DIAPH3: variants seen among roughly 807,000 people sequenced by gnomAD.
DIAPH3 encodes protein diaphanous homolog 3.
A neutral mutation model predicts 144.3 loss-of-function variants in DIAPH3; 117 were observed. The ratio of observed to expected loss-of-function variants is 0.81; its 90% CI spans 0.70 to 0.95. DIAPH3 has a LOEUF of 0.95. DIAPH3 is among the 40% of genes least tolerant of loss of function. DIAPH3 has a pLI of 0.00. For missense variants in DIAPH3, 1,421 were observed against 1,412.7 expected, an observed-to-expected ratio of 1.01 and a Z score of -0.09; for synonymous variants, 519 against 488.9, an observed-to-expected ratio of 1.06 and a Z score of -0.81.
intron 22 of DIAPH3, 163 bp downstream of exon 22, chr13:59,861,244 T>C (rs1593720316): frequency 2.0e-6 from 3 of 1,518,918 alleles, no homozygotes; most frequent in South Asian, 1.3e-5. Context: ...GCTCCAATCA[T>C]GACAACTCAT....
At chr13:59,978,580 AAAGT>A (rs1014909973) in intron 14 of DIAPH3, among the ~76,000 whole-genome samples, 14 of 151,856 alleles carry the variant, frequency 9.2e-5, no homozygotes, top group African/African-American at 3.4e-4. Context: ...TGCTAATACT[AAAGT>A]AACTGTATTA....
chr13:59,960,056 G>A (rs1363878641), intron 17 of DIAPH3, among the ~76,000 whole-genome samples: 1 of 152,100 alleles, frequency 6.6e-6, no homozygotes, highest in Non-Finnish European at 1.5e-5. Context: ...TGATTCACAA[G>A]ACAAGACTGA....
intron 4 of DIAPH3, among the ~76,000 whole-genome samples, chr13:60,080,405 T>C (rs916002404): frequency 2.6e-5 from 4 of 152,044 alleles, no homozygotes; most frequent in Admixed American, 2.0e-4. Context: ...AAAATGAACA[T>C]ACTGTACACT....
chr13:59,782,733 T>C (rs931429373), intron 25 of DIAPH3, among the ~76,000 whole-genome samples: 12 of 152,202 alleles, frequency 7.9e-5, no homozygotes, highest in African/African-American at 2.9e-4. Flanking sequence ...TACAGGGTGG[T>C]GGGCATGTAG....
intron 21 of DIAPH3, among the ~76,000 whole-genome samples, chr13:59,861,943 C>G (rs972203200): frequency 6.6e-6 from 1 of 152,178 alleles, no homozygotes; most frequent in Admixed American, 6.6e-5. Context: ...AAAACATAGA[C>G]TTTCCTCAAG....
chr13:59,837,654 G>T (rs935169409), intron 23 of DIAPH3: 2 of 151,488 alleles, frequency 1.3e-5, no homozygotes, highest in African/African-American at 4.9e-5. Flanking sequence ...TAAGAAAAAA[G>T]CTAAGAATGA....
At chr13:60,057,312 A>C (rs1398855107) in intron 4 of DIAPH3, among the ~76,000 whole-genome samples, 1 of 151,964 alleles carries the variant, frequency 6.6e-6, no homozygotes, top group Non-Finnish European at 1.5e-5. Context: ...GCTACAAAAA[A>C]ATAAAATACC....
intron 27 of DIAPH3, among the ~76,000 whole-genome samples, chr13:59,728,303 T>C (rs1044416176): frequency 1.3e-5 from 2 of 152,064 alleles, no homozygotes; most frequent in Admixed American, 6.6e-5. Flanking sequence ...AAAACTTCTA[T>C]AGATAATTTT....
chr13:60,093,542 A>C, intron 4 of DIAPH3, 86 bp downstream of exon 4: 1 of 881,484 alleles, frequency 1.1e-6, no homozygotes, highest in Non-Finnish European at 1.9e-6. Flanking sequence ...GTTGCCCACA[A>C]ACTTAAGTAC....
chr13:60,152,691 A>G (rs1951845132), intron 1 of DIAPH3, among the ~76,000 whole-genome samples: 1 of 152,080 alleles, frequency 6.6e-6, no homozygotes, highest in African/African-American at 2.4e-5. Context: ...GTGAGTATAC[A>G]GTGTTTTACA....
At chr13:60,158,123 C>T (rs886499926) in intron 1 of DIAPH3, among the ~76,000 whole-genome samples, 2 of 152,140 alleles carry the variant, frequency 1.3e-5, no homozygotes, top group Non-Finnish European at 1.5e-5. Flanking sequence ...AGTGCTAGTC[C>T]CTTCTTCCAA....
chr13:59,801,708 T>C (rs2039910499), intron 25 of DIAPH3, among the ~76,000 whole-genome samples: 4 of 152,230 alleles, frequency 2.6e-5, no homozygotes. Flanking sequence ...GCTGCCCTCA[T>C]TGTTAACTCT....
At chr13:59,782,703 C>T (rs888717077) in intron 25 of DIAPH3, among the ~76,000 whole-genome samples, 8 of 152,026 alleles carry the variant, frequency 5.3e-5, no homozygotes, top group Non-Finnish European at 8.8e-5. Flanking sequence ...AATATTATGA[C>T]AGAGATATTC....
intron 24 of DIAPH3, among the ~76,000 whole-genome samples, chr13:59,812,941 G>A (rs1019232489): frequency 1.3e-5 from 2 of 152,056 alleles, no homozygotes; most frequent in African/African-American, 4.8e-5. Flanking sequence ...GAAGATAGAG[G>A]TAGTATCTCC....
intron 20 of DIAPH3, among the ~76,000 whole-genome samples, chr13:59,902,707 C>T (rs1384108268): frequency 6.6e-6 from 1 of 152,072 alleles, no homozygotes; most frequent in Non-Finnish European, 1.5e-5. Context: ...ACTGGGGAGG[C>T]ACATGGTGCA....
chr13:59,875,178 C>T (rs2044537653), intron 21 of DIAPH3, among the ~76,000 whole-genome samples: 1 of 152,134 alleles, frequency 6.6e-6, no homozygotes, highest in African/African-American at 2.4e-5. Context: ...GATTTAATTT[C>T]TAAAGATATG....
At chr13:59,871,255 T>C (rs1265662901) in intron 21 of DIAPH3, among the ~76,000 whole-genome samples, 1 of 151,958 alleles carries the variant, frequency 6.6e-6, no homozygotes, top group Non-Finnish European at 1.5e-5. Context: ...AGAAAGAGTT[T>C]TGTTTATTCT....
At chr13:60,114,668 CACACAA>C (rs1221563172) in intron 2 of DIAPH3, among the ~76,000 whole-genome samples, 1 of 151,510 alleles carries the variant, frequency 6.6e-6, no homozygotes, top group East Asian at 1.9e-4. Flanking sequence ...CACACACACA[CACACAA>C]ACACACACAC....
At chr13:60,036,131 G>A (rs1003118948) in intron 5 of DIAPH3, among the ~76,000 whole-genome samples, 3 of 152,104 alleles carry the variant, frequency 2.0e-5, no homozygotes, top group African/African-American at 7.2e-5. Context: ...CTATTCCCTT[G>A]GGACTCTCTT....
Sources: gnomAD v4.1 joint callset for allele counts (sites outside exome capture counted in the v4.1 genomes callset) on GRCh38, gnomAD v4.1.1 for gene constraint, MANE v1.5 for transcripts, NCBI Gene and HGNC (gene_info 2026-07-23, HGNC 2026-07-21) for gene names.